PCDH19: variants seen among roughly 807,000 people sequenced by gnomAD.
PCDH19 encodes protocadherin 19, also known as protocadherin-19.
A neutral mutation model predicts 46.2 loss-of-function variants in PCDH19; 6 were observed. The ratio of observed to expected loss-of-function variants is 0.13; its 90% confidence interval spans 0.07 to 0.26. PCDH19 has a LOEUF of 0.26. Ranked by LOEUF, PCDH19 falls within the 10% of genes least tolerant of loss-of-function variation. The pLI, the probability that PCDH19 is intolerant of heterozygous loss-of-function variation, is 1.00. For synonymous variants in PCDH19, 481 were observed against 415.7 expected (o/e 1.16, Z -1.91); for missense variants, 740 against 972.3 (o/e 0.76, Z 3.18).
chrX:100,294,978 ATGAGT>A lies in PCDH19; in HGVS notation c.*1294_*1298del, dbSNP rs1924547338. ...TCAAAAAACTATTAGTCATAAAAAG[ATGAGT>A]TCAAGTGTCTGAGTGTCTCCGTTTA... On this transcript the variant is annotated 3_prime_UTR_variant, in exon 6 of 6. Transcript: ENST00000373034. The A allele has an allele frequency of 8.9e-6, 1 of 112,633 alleles. No individual in the cohort carries two copies. Among genetic ancestry groups the A allele is most frequent in the African/African-American group, 3.2e-5 (1 of 30,937 alleles). 9.3% of individuals were successfully genotyped at this position (112,633 alleles called of 1,213,427 possible).
At chrX:100,390,472 C>G (rs999984504) in intron 3 of PCDH19, among the ~76,000 whole-genome samples, 5 of 111,614 alleles carry the variant, frequency 4.5e-5, no homozygotes, top group African/African-American at 9.8e-5. Flanking sequence ...ATCCTACCAT[C>G]AAGGAGCTCC....
At chrX:100,327,899 G>C (rs192223898) in intron 5 of PCDH19, among the ~76,000 whole-genome samples, 2 of 111,442 alleles carry the variant, frequency 1.8e-5, no homozygotes, top group Admixed American at 9.6e-5. Context: ...GGACTTTTTA[G>C]GACTTTGAAC....
chrX:100,313,863 A>T (rs1236793952), intron 5 of PCDH19, among the ~76,000 whole-genome samples: 3 of 72,414 alleles, frequency 4.1e-5, no homozygotes, highest in Non-Finnish European at 8.4e-5. Flanking sequence ...TTAATCACAC[A>T]CACACACACA....
chrX:100,354,574 C>G (rs1378508805), intron 3 of PCDH19, among the ~76,000 whole-genome samples: 1 of 111,998 alleles, frequency 8.9e-6, no homozygotes, highest in Non-Finnish European at 1.9e-5. Flanking sequence ...TTTTCTAAAG[C>G]AAGCCCAGCT....
At chrX:100,346,739 A>G (rs1257107939) in intron 4 of PCDH19, among the ~76,000 whole-genome samples, 1 of 112,387 alleles carries the variant, frequency 8.9e-6, no homozygotes, top group Non-Finnish European at 1.9e-5. Flanking sequence ...TAGGGAGCCA[A>G]AGCTCCTAAT....
intron 5 of PCDH19, among the ~76,000 whole-genome samples, chrX:100,308,806 A>C (rs1206212351): frequency 8.9e-6 from 1 of 111,767 alleles, no homozygotes; most frequent in Non-Finnish European, 1.9e-5. Context: ...TATCAGGGAA[A>C]TGCAAATCAA....
At chrX:100,366,541 A>T (rs958122968) in intron 3 of PCDH19, among the ~76,000 whole-genome samples, 17 of 112,309 alleles carry the variant, frequency 1.5e-4, no homozygotes, top group Non-Finnish European at 5.6e-5. Flanking sequence ...TTTGCAGTTC[A>T]GATTTCAGTA....
intron 5 of PCDH19, among the ~76,000 whole-genome samples, chrX:100,327,062 A>T (rs1925716778): frequency 8.9e-6 from 1 of 112,249 alleles, no homozygotes; most frequent in African/African-American, 3.2e-5. Flanking sequence ...TAAAGTGTGA[A>T]CAGTAACTGT....
At chrX:100,383,381 G>A (rs956755877) in intron 3 of PCDH19, among the ~76,000 whole-genome samples, 6 of 111,784 alleles carry the variant, frequency 5.4e-5, no homozygotes, top group African/African-American at 9.8e-5. Flanking sequence ...GTGACAAACC[G>A]TATCTAAGAA....
intron 3 of PCDH19, among the ~76,000 whole-genome samples, chrX:100,363,244 C>A (rs1426673502): frequency 5.6e-5 from 6 of 106,221 alleles, no homozygotes; most frequent in Non-Finnish European, 1.2e-4. Context: ...GCAGAGGTTG[C>A]AGTAAGCCAA....
intron 3 of PCDH19, among the ~76,000 whole-genome samples, chrX:100,361,743 G>A (rs1926888252): frequency 9.0e-6 from 1 of 111,621 alleles, no homozygotes; most frequent in Non-Finnish European, 1.9e-5. Flanking sequence ...TCTAGCATCT[G>A]CAACTAGAAT....
At chrX:100,389,301 T>C (rs1405500177) in intron 3 of PCDH19, among the ~76,000 whole-genome samples, 1 of 110,539 alleles carries the variant, frequency 9.0e-6, no homozygotes, top group Non-Finnish European at 1.9e-5. Flanking sequence ...TGGTAAGCAC[T>C]CTATAAATAA....
chrX:100,298,941 A>C (rs1602568481), intron 5 of PCDH19, among the ~76,000 whole-genome samples: 1 of 111,669 alleles, frequency 9.0e-6, no homozygotes, highest in East Asian at 2.8e-4. Context: ...CTTCCCAATA[A>C]GCTGTTTTTG....
intron 3 of PCDH19, among the ~76,000 whole-genome samples, chrX:100,398,771 AGAGT>A (rs1266182563): frequency 2.7e-5 from 3 of 112,263 alleles, no homozygotes; most frequent in Non-Finnish European, 5.6e-5. Context: ...AAAGTGTGAT[AGAGT>A]GAGTACAGCT....
At chrX:100,368,313 T>C (rs773888050) in intron 3 of PCDH19, among the ~76,000 whole-genome samples, 6 of 111,363 alleles carry the variant, frequency 5.4e-5, no homozygotes, top group Non-Finnish European at 7.5e-5. Context: ...TTGTCAAGGA[T>C]AGGAAAGGCA....
chrX:100,409,808 AT>A lies in PCDH19; in HGVS notation c.-1212del. 3 of 236,013 alleles carry A rather than the reference AT, an allele frequency of 1.3e-5. No individual in the cohort carries two copies. The highest frequency in any genetic ancestry group is 1.5e-5 in the Non-Finnish European group (2 of 133,779). The allele number at this position is 236,013 out of a possible 1,213,427, so 19.5% of individuals were successfully genotyped here. A position where few individuals can be genotyped will look rare whatever the true frequency, so the allele number is the denominator to read the frequency against. On this transcript the variant is annotated 5_prime_UTR_variant, in exon 1 of 6. Transcript: ENST00000373034. ...GCCTCAGCAGCTGCCACAGTCGACG[AT>A]TTTGTCGCCGCCGAAGTTTACTTGC...
At chrX:100,363,938 A>G (rs1227244753) in intron 3 of PCDH19, among the ~76,000 whole-genome samples, 1 of 105,674 alleles carries the variant, frequency 9.5e-6, no homozygotes, top group Non-Finnish European at 1.9e-5. Flanking sequence ...GCTTAAAGAG[A>G]GTTGAAATTA....
chrX:100,388,243 T>C (rs1927769617), intron 3 of PCDH19, among the ~76,000 whole-genome samples: 1 of 109,885 alleles, frequency 9.1e-6, no homozygotes, highest in Non-Finnish European at 1.9e-5. Flanking sequence ...CGCACATATA[T>C]ATACACACAA....
Position 100,409,271 on chromosome X carries a change from G to A in PCDH19, c.-674C>T. 8.9e-6 allele frequency: 1 copy of A among 112,359 alleles called. No individual in the cohort carries two copies. Among genetic ancestry groups the A allele is most frequent in the Non-Finnish European group, 1.9e-5 (1 of 53,172 alleles). 9.3% of individuals were successfully genotyped at this position (112,359 alleles called of 1,213,427 possible). On this transcript the variant is annotated 5_prime_UTR_variant, in exon 1 of 6. Transcript: ENST00000373034. The stretch of plus-strand genomic sequence containing the variant: ...GAGTCAGTTACTGGCAAGCGCCGCG[G>A]GCACCCGGTTATAGGGTTGAGTCGG...
Sources: allele counts gnomAD v4.1 joint callset (sites outside exome capture counted in the v4.1 genomes callset), GRCh38; gene constraint gnomAD v4.1.1; transcripts MANE v1.5; gene names NCBI Gene and HGNC (gene_info 2026-07-23, HGNC 2026-07-21).